The following PTK2 variants were observed in gnomAD, a reference collection of about 807,000 sequenced individuals.
PTK2 encodes the protein protein tyrosine kinase 2, also known as focal adhesion kinase 1.
In PTK2, 45 loss-of-function variants were observed where a neutral mutation model predicts 150.1. The ratio of observed to expected loss-of-function variants is 0.30; its 90% CI spans 0.24 to 0.38. The LOEUF (loss-of-function observed/expected upper bound fraction) is 0.38. Among genes scored for constraint, PTK2 ranks in the 10% least tolerant of loss-of-function variants. The probability of loss-of-function intolerance (pLI) is 1.00; values close to 1 mark genes in which losing one functional copy is unlikely to be tolerated. For synonymous variants in PTK2, 432 were observed against 449.2 expected (o/e 0.96, Z 0.48); for missense variants, 919 against 1,307.3 (o/e 0.70, Z 4.58).
In PTK2 at chr8:140,989,184, C is replaced by T. The variant is rs560415233; in HGVS notation, c.-122+11941G>A. Among the ~76,000 whole-genome samples the T allele has an allele frequency of 7.2e-4, 91 of 125,974 alleles. 1 individual carries two copies. Among genetic ancestry groups the T allele is most frequent in the African/African-American group, 2.3e-3 (79 of 33,924 alleles). The allele number at this position is 125,974 out of a possible 152,430, so 82.6% of individuals were successfully genotyped here. On this transcript the variant is annotated intron_variant, in intron 1 of 31. Coordinates refer to ENST00000522684, the Ensembl canonical transcript of PTK2. Reference sequence around the variant, plus strand: ...GTTGAGCTCAGGAGTTTGAGACTAGCCTGGGCAACATAGGAAGACCCTGTC... The same window carrying T: ...GTTGAGCTCAGGAGTTTGAGACTAGTCTGGGCAACATAGGAAGACCCTGTC...
intron 19 of PTK2, 61 bp downstream of exon 22, chr8:140,744,590 TC>T: frequency 1.8e-6 from 2 of 1,085,438 alleles, no homozygotes; most frequent in Non-Finnish European, 2.7e-6. Flanking sequence ...TCCAAATGGG[TC>T]CCTGTTTCTT....
chr8:140,956,833 G>C (rs1485539332), intron 1 of PTK2, among the ~76,000 whole-genome samples: 1 of 152,198 alleles, frequency 6.6e-6, no homozygotes, highest in Non-Finnish European at 1.5e-5. Context: ...GGGAGGCTGT[G>C]GGTGGATCAC....
intron 23 of PTK2, among the ~76,000 whole-genome samples, chr8:140,706,848 T>C (rs1486383356): frequency 1.3e-5 from 2 of 152,162 alleles, no homozygotes; most frequent in Admixed American, 6.5e-5. Flanking sequence ...CTGGGCAACG[T>C]AGCAAGACTG....
At chr8:140,819,428 A>G (rs1183864155) in intron 8 of PTK2, among the ~76,000 whole-genome samples, 1 of 152,226 alleles carries the variant, frequency 6.6e-6, no homozygotes, top group Non-Finnish European at 1.5e-5. Flanking sequence ...AAAAACCACA[A>G]TGCTTATCCA....
At chr8:140,844,464 G>C (rs1319738966) in intron 7 of PTK2, among the ~76,000 whole-genome samples, 1 of 152,050 alleles carries the variant, frequency 6.6e-6, no homozygotes, top group East Asian at 1.9e-4. Context: ...ATATTACTAT[G>C]GACTCATGGG....
chr8:140,874,032 G>A (rs2100144129), intron 4 of PTK2, among the ~76,000 whole-genome samples: 1 of 152,140 alleles, frequency 6.6e-6, no homozygotes, highest in Non-Finnish European at 1.5e-5. Context: ...TTTTGCATGT[G>A]ATGTTTCACT....
At chr8:140,946,367 T>C (rs2100177686) in intron 1 of PTK2, among the ~76,000 whole-genome samples, 1 of 152,096 alleles carries the variant, frequency 6.6e-6, no homozygotes, top group African/African-American at 2.4e-5. Context: ...AAACAAAAAC[T>C]GTTCTAGAAC....
intron 2 of PTK2, among the ~76,000 whole-genome samples, chr8:140,896,105 A>G (rs1408058006): frequency 6.6e-6 from 1 of 152,194 alleles, no homozygotes; most frequent in Non-Finnish European, 1.5e-5. Context: ...AAATTTAGAT[A>G]AGCACAATTC....
intron 17 of PTK2, among the ~76,000 whole-genome samples, chr8:140,749,468 CA>C (rs1302343811): frequency 2.0e-5 from 3 of 152,224 alleles, no homozygotes; most frequent in Admixed American, 6.5e-5. Flanking sequence ...AAACTCTACC[CA>C]AACTGAACTA....
At chr8:140,658,294 C>T (rs1210468926) in exon 32 of PTK2, 2 of 167,378 alleles carry the variant, frequency 1.2e-5, no homozygotes, top group African/African-American at 4.8e-5. Flanking sequence ...TAGTGAGAGG[C>T]TTCCTGATAA....
intron 31 of PTK2, chr8:140,662,638 T>C (rs1019488626): frequency 7.4e-6 from 4 of 537,252 alleles, no homozygotes; most frequent in Admixed American, 2.4e-5. Context: ...TATGAATCAA[T>C]GCCACTTACA....
rs79723795 is a variant in PTK2, at chr8:140,943,551, T to C, written c.-121-17802A>G. Among the ~76,000 whole-genome samples, 1,182 of 152,306 alleles carry C rather than the reference T, an allele frequency of 7.8e-3. 58 individuals are homozygous for C. Among genetic ancestry groups the C allele is most frequent in the East Asian group, 0.05 (262 of 5,192 alleles). On this transcript the variant is annotated intron_variant, in intron 1 of 31. Coordinates refer to ENST00000522684, the Ensembl canonical transcript of PTK2. ...GCTATAAATGTTCACATAGAGGTCATTGTAAGAAAATGTTTTCATTTCTCT... is the reference window on the plus strand; with the variant it reads ...GCTATAAATGTTCACATAGAGGTCACTGTAAGAAAATGTTTTCATTTCTCT...
intron 1 of PTK2, among the ~76,000 whole-genome samples, chr8:140,929,736 A>G (rs1339036115): frequency 2.0e-5 from 3 of 150,316 alleles, no homozygotes; most frequent in Non-Finnish European, 3.0e-5. Context: ...GCCACATGGT[A>G]TTAGATATGT....
intron 15 of PTK2, among the ~76,000 whole-genome samples, chr8:140,762,713 T>C (rs2100070058): frequency 6.6e-6 from 1 of 152,200 alleles, no homozygotes; most frequent in African/African-American, 2.4e-5. Flanking sequence ...AACTGGATTA[T>C]CTGCAGGAAT....
chr8:140,884,945 T>C (rs1031435232), intron 3 of PTK2, among the ~76,000 whole-genome samples: 1 of 152,240 alleles, frequency 6.6e-6, no homozygotes, highest in Non-Finnish European at 1.5e-5. Flanking sequence ...TCATGACTAG[T>C]ACTGAAACCT....
At chr8:140,988,964 A>C (rs1408412970) in intron 1 of PTK2, among the ~76,000 whole-genome samples, 2 of 151,890 alleles carry the variant, frequency 1.3e-5, no homozygotes, top group African/African-American at 4.8e-5. Flanking sequence ...TTAAACATTT[A>C]GAAAATAACA....
chr8:140,927,940 GAAAAAAAAAA>G (rs779534564), intron 1 of PTK2, among the ~76,000 whole-genome samples: 3 of 36,274 alleles, frequency 8.3e-5, no homozygotes, highest in African/African-American at 2.2e-4. Context: ...ATCTCAAAAA[GAAAAAAAAAA>G]AAAAAAAGAA....
At chr8:140,812,591 C>T (rs2100102242) in intron 10 of PTK2, among the ~76,000 whole-genome samples, 1 of 152,018 alleles carries the variant, frequency 6.6e-6, no homozygotes, top group Non-Finnish European at 1.5e-5. Flanking sequence ...AGACACAGAG[C>T]TGGATAAAGA....
chr8:140,735,045 T>C, intron 22 of PTK2: 1 of 593,344 alleles, frequency 1.7e-6, no homozygotes. Context: ...ATTGGAGCTT[T>C]ATTAAAATTT....
Sources: allele counts gnomAD v4.1 joint callset (sites outside exome capture counted in the v4.1 genomes callset), GRCh38; gene constraint gnomAD v4.1.1; transcripts MANE v1.5; gene names NCBI Gene and HGNC (gene_info 2026-07-23, HGNC 2026-07-21).